The following COL28A1 variants were observed in gnomAD, a reference collection of about 807,000 sequenced individuals.
COL28A1 encodes collagen alpha-1(XXVIII) chain.
COL28A1 carries 161 observed loss-of-function variants against 150.2 expected under a neutral mutation model. That is an observed-to-expected ratio of 1.07 (90% confidence interval 0.94 to 1.22). The LOEUF (loss-of-function observed/expected upper bound fraction) is 1.22. COL28A1 is among the 50% of genes most tolerant of loss of function. The pLI is 0.00. For missense variants in COL28A1, 1,617 were observed against 1,388.3 expected (o/e 1.16, Z -2.62); for synonymous variants, 552 against 469.7 (o/e 1.18, Z -2.26).
chr7:7,413,650 T>G lies in COL28A1; in HGVS notation c.2136+4209A>C, dbSNP rs2191815. On this transcript the variant is annotated intron_variant, in intron 27 of 34. Coordinates refer to ENST00000399429, the MANE Select transcript of COL28A1 (RefSeq NM_001037763.3). ...GCCCAGCCAACAGAAGAACCATAAA[T>G]GGAAGACAAGGTTTTTTAAAATTCT... is the stretch of plus-strand genomic sequence containing the variant. 3.8e-3 allele frequency among the ~76,000 whole-genome samples: 576 copies of G among 152,296 alleles called. 3 individuals are homozygous for G. The highest frequency in any genetic ancestry group is 6.2e-3 in the Non-Finnish European group (424 of 68,006).
At chr7:7,394,765 A>G (rs1782743688) in intron 27 of COL28A1, among the ~76,000 whole-genome samples, 1 of 152,228 alleles carries the variant, frequency 6.6e-6, no homozygotes, top group Non-Finnish European at 1.5e-5. Context: ...AAGAAAAGGA[A>G]TCTTTTCCCT....
chr7:7,514,460 G>C (rs1177669705), intron 8 of COL28A1, among the ~76,000 whole-genome samples: 2 of 152,134 alleles, frequency 1.3e-5, no homozygotes, highest in Non-Finnish European at 2.9e-5. Flanking sequence ...GCTAAGTGTA[G>C]AATCATGGGA....
chr7:7,498,149 C>T (rs187694472), intron 11 of COL28A1, among the ~76,000 whole-genome samples: 74 of 152,156 alleles, frequency 4.9e-4, no homozygotes, highest in Non-Finnish European at 8.7e-4. Flanking sequence ...CATGTTTGGC[C>T]TACAAACATG....
At chr7:7,433,214 G>C (rs1785106964) in intron 23 of COL28A1, among the ~76,000 whole-genome samples, 1 of 152,104 alleles carries the variant, frequency 6.6e-6, no homozygotes, top group African/African-American at 2.4e-5. Context: ...GCAGGGAGGG[G>C]TGATTATTGT....
chr7:7,422,639 A>C (rs559128433), intron 25 of COL28A1, among the ~76,000 whole-genome samples: 1 of 152,102 alleles, frequency 6.6e-6, no homozygotes, highest in South Asian at 2.1e-4. Flanking sequence ...CAAAAAAGAA[A>C]AAAAAAAAGG....
rs746774652 is a variant in COL28A1, at chr7:7,358,620, C to T, written c.*13G>A. ...GTTCTATGCTTTTGATAGAGACAGG[C>T]CAATTTACTTGCTCATCCTTGAATG... On this transcript the variant is annotated 3_prime_UTR_variant, in exon 35 of 35. Transcript: ENST00000399429. 1 of 1,612,830 alleles carries T rather than the reference C, an allele frequency of 6.2e-7. No individual in the cohort carries two copies.
At chr7:7,354,733 T>C (rs1780309723), downstream of COL28A1, among the ~76,000 whole-genome samples, 3 of 152,218 alleles carry the variant, frequency 2.0e-5, no homozygotes, top group Admixed American at 2.0e-4. Context: ...TGAGTCTTAC[T>C]TAATTAATTA....
chr7:7,424,622 G>A (rs562088491), intron 25 of COL28A1, among the ~76,000 whole-genome samples: 5 of 152,154 alleles, frequency 3.3e-5, no homozygotes, highest in East Asian at 1.9e-4. Context: ...ATGAACAGAC[G>A]TGCGAGCAAA....
rs1481058251 is a variant in COL28A1 at position 7,531,662 on chromosome 7, A to C, written c.367T>G (p.Ser123Ala). ...GTACCTTGCCCTATTAAATTCATAG[A>C]CTTGACCTTCTGCTTAAATGTCTGC... is the stretch of plus-strand genomic sequence containing the variant. Reference protein sequence around the residue: ...DLQTFKQKVKSMNLIGQGTFS... With the variant: ...DLQTFKQKVKAMNLIGQGTFS... Residue 123 changes from serine (S) to alanine (A), a missense_variant, in exon 3 of 35, where the codon TCT becomes GCT. Ser to Ala is a moderately conservative substitution (Grantham distance 99, BLOSUM62 1). Transcript: ENST00000399429. 6.3e-7 allele frequency: 1 copy of C among 1,598,020 alleles called. No individual in the cohort carries two copies. The highest frequency in any genetic ancestry group is 8.6e-7 in the Non-Finnish European group (1 of 1,165,302).
chr7:7,476,703 C>G (rs980617345), intron 14 of COL28A1, among the ~76,000 whole-genome samples: 12 of 152,100 alleles, frequency 7.9e-5, no homozygotes, highest in Non-Finnish European at 1.3e-4. Flanking sequence ...AATTTTCTTT[C>G]TTATTATATT....
At chr7:7,485,541 C>T (rs1453882603) in intron 13 of COL28A1, among the ~76,000 whole-genome samples, 2 of 152,076 alleles carry the variant, frequency 1.3e-5, no homozygotes, top group Non-Finnish European at 2.9e-5. Context: ...TCATCAAGCC[C>T]ACGATCCTAA....
intron 27 of COL28A1, among the ~76,000 whole-genome samples, chr7:7,391,510 G>A (rs1017263570): frequency 6.6e-6 from 1 of 152,172 alleles, no homozygotes; most frequent in Middle Eastern, 3.2e-3. Flanking sequence ...GTCCAGAGCT[G>A]AGTTCATGTC....
chr7:7,537,283 A>C (rs1488527554), upstream of COL28A1, among the ~76,000 whole-genome samples: 3 of 152,172 alleles, frequency 2.0e-5, no homozygotes, highest in African/African-American at 4.8e-5. Context: ...CACCATGTAG[A>C]CACACCAATG....
chr7:7,378,211 A>G (rs1272744618), intron 30 of COL28A1, among the ~76,000 whole-genome samples: 1 of 152,228 alleles, frequency 6.6e-6, no homozygotes, highest in Non-Finnish European at 1.5e-5. Flanking sequence ...AAGATTGCCT[A>G]GAACAGGGCT....
intron 11 of COL28A1, among the ~76,000 whole-genome samples, chr7:7,502,227 G>C (rs1780573268): frequency 6.6e-6 from 1 of 152,158 alleles, no homozygotes; most frequent in African/African-American, 2.4e-5. Flanking sequence ...GCCACAAGAT[G>C]ACCTTCCTGT....
intron 27 of COL28A1, among the ~76,000 whole-genome samples, chr7:7,401,745 T>C (rs934241783): frequency 7.9e-5 from 12 of 152,116 alleles, no homozygotes; most frequent in Admixed American, 5.2e-4. Flanking sequence ...TATAGCCCAT[T>C]TGTCACATAC....
intron 1 of COL28A1, among the ~76,000 whole-genome samples, chr7:7,533,576 A>T (rs193069271): frequency 3.9e-5 from 6 of 152,284 alleles, no homozygotes; most frequent in Admixed American, 1.3e-4. Flanking sequence ...TTTGCTTAAA[A>T]GCAACACTCT....
intron 25 of COL28A1, among the ~76,000 whole-genome samples, chr7:7,422,790 A>C (rs1255341399): frequency 6.6e-6 from 1 of 152,194 alleles, no homozygotes; most frequent in Non-Finnish European, 1.5e-5. Context: ...AGTGTCCCCA[A>C]GTTCCTGCCG....
intron 15 of COL28A1, among the ~76,000 whole-genome samples, chr7:7,461,344 A>G (rs1488875131): frequency 2.0e-5 from 3 of 152,214 alleles, no homozygotes; most frequent in Non-Finnish European, 4.4e-5. Context: ...GAAACCTCCA[A>G]CTGAATTCTG....
Sources: allele counts gnomAD v4.1 joint callset (sites outside exome capture counted in the v4.1 genomes callset), GRCh38; gene constraint gnomAD v4.1.1; transcripts MANE v1.5; gene names NCBI Gene and HGNC (gene_info 2026-07-23, HGNC 2026-07-21).